UCHL3: variants seen among roughly 807,000 people sequenced by gnomAD.
UCHL3 encodes the protein ubiquitin C-terminal hydrolase L3.
A neutral mutation model predicts 35.8 loss-of-function variants in UCHL3; 22 were observed. That is an observed-to-expected ratio of 0.61 (90% CI 0.44 to 0.88). The LOEUF is 0.88. UCHL3 is among the 40% of genes least tolerant of loss of function. The pLI is 0.00. For synonymous variants in UCHL3, 90 were observed against 92.8 expected (o/e 0.97, Z 0.17); for missense variants, 229 against 276.9 (o/e 0.83, Z 1.23).
chr13:75,601,087 T>C (rs1410286629), intron 7 of UCHL3, among the ~76,000 whole-genome samples: 3 of 152,202 alleles, frequency 2.0e-5, no homozygotes, highest in African/African-American at 7.2e-5. Context: ...AAGATGTGAC[T>C]GAACTGCTGC....
intron 2 of UCHL3, 58 bp downstream of exon 2, chr13:75,550,045 T>A: frequency 6.2e-7 from 1 of 1,611,678 alleles, no homozygotes; most frequent in South Asian, 1.1e-5. Flanking sequence ...CTCGGTCCGC[T>A]TCCCTGCTGG....
At chr13:75,604,729 A>C (rs2032883048) in intron 7 of UCHL3, 40 bp from the exon 8 acceptor site, 9 of 1,550,590 alleles carry the variant, frequency 5.8e-6, no homozygotes, top group Non-Finnish European at 7.9e-6. Flanking sequence ...TTATCCTGTA[A>C]AAACAGCTAA....
intron 7 of UCHL3, among the ~76,000 whole-genome samples, chr13:75,598,513 A>G (rs2032700077): frequency 6.6e-6 from 1 of 152,208 alleles, no homozygotes; most frequent in South Asian, 2.1e-4. Flanking sequence ...AATCTGGAAC[A>G]GTACCTCAGA....
chr13:75,594,820 A>T (rs983397575), intron 6 of UCHL3, 95 bp from the exon 7 acceptor site: 1 of 886,550 alleles, frequency 1.1e-6, no homozygotes, highest in East Asian at 2.7e-5. Flanking sequence ...ATGTTCTCTT[A>T]TATAATTTGA....
At chr13:75,601,687 G>T (rs2138588918) in intron 7 of UCHL3, among the ~76,000 whole-genome samples, 1 of 152,254 alleles carries the variant, frequency 6.6e-6, no homozygotes, top group South Asian at 2.1e-4. Context: ...TCATTTTATT[G>T]TGATACTTGC....
chr13:75,603,835 G>T (rs1454541975), intron 7 of UCHL3, among the ~76,000 whole-genome samples: 1 of 152,066 alleles, frequency 6.6e-6, no homozygotes, highest in Non-Finnish European at 1.5e-5. Context: ...TAGGAATTAT[G>T]TCCCAGGCAT....
intron 6 of UCHL3, among the ~76,000 whole-genome samples, chr13:75,592,452 A>ATATATATG (rs2032528868): frequency 8.7e-6 from 1 of 114,836 alleles, no homozygotes; most frequent in African/African-American, 3.2e-5. Flanking sequence ...ATATATATAT[A>ATATATATG]TATATATATA....
chr13:75,573,362 A>G (rs1367060663), intron 6 of UCHL3, among the ~76,000 whole-genome samples: 1 of 151,666 alleles, frequency 6.6e-6, no homozygotes, highest in Non-Finnish European at 1.5e-5. Flanking sequence ...CAGCCTACTG[A>G]TTTTTTTGTC....
chr13:75,587,998 A>G (rs2032373828), intron 6 of UCHL3, among the ~76,000 whole-genome samples: 1 of 151,664 alleles, frequency 6.6e-6, no homozygotes, highest in African/African-American at 2.4e-5. Context: ...ATTGATGATC[A>G]TGCTCCTTGC....
intron 6 of UCHL3, among the ~76,000 whole-genome samples, chr13:75,576,864 C>T (rs775707618): frequency 2.6e-5 from 4 of 152,082 alleles, no homozygotes; most frequent in East Asian, 3.8e-4. Context: ...CTGATATATA[C>T]GTGCCCAGTT....
chr13:75,550,769 C>T (rs1479085321), intron 2 of UCHL3, among the ~76,000 whole-genome samples: 2 of 143,484 alleles, frequency 1.4e-5, no homozygotes, highest in East Asian at 4.2e-4. Context: ...TTTTACTGCT[C>T]TCCTAGTTTA....
intron 2 of UCHL3, among the ~76,000 whole-genome samples, chr13:75,552,710 C>T (rs1443026124): frequency 1.3e-5 from 2 of 152,130 alleles, no homozygotes; most frequent in Non-Finnish European, 1.5e-5. Flanking sequence ...CTTTATTTAC[C>T]TATGCATTTA....
intron 6 of UCHL3, among the ~76,000 whole-genome samples, chr13:75,575,860 C>A (rs1245033579): frequency 5.3e-5 from 8 of 151,516 alleles, no homozygotes; most frequent in Non-Finnish European, 2.9e-5. Flanking sequence ...CAAGCGATTC[C>A]CCTGCCTCAG....
chr13:75,593,211 A>G (rs552967293), intron 6 of UCHL3, among the ~76,000 whole-genome samples: 10 of 152,308 alleles, frequency 6.6e-5, no homozygotes, highest in African/African-American at 2.4e-4. Flanking sequence ...TCCTAGGTGA[A>G]TGAATAATTC....
intron 6 of UCHL3, among the ~76,000 whole-genome samples, chr13:75,572,140 ATTC>A (rs1399166878): frequency 6.8e-6 from 1 of 146,854 alleles, no homozygotes; most frequent in Admixed American, 6.8e-5. Flanking sequence ...TATTATTTCT[ATTC>A]TTCTTGCAGT....
chr13:75,556,571 TA>T lies in UCHL3; in HGVS notation c.55-4178del, dbSNP rs2031299434. On this transcript the variant is annotated intron_variant, in intron 2 of 8. Coordinates refer to ENST00000377595, the MANE Select transcript of UCHL3 (RefSeq NM_006002.5). ...GAATTTTATCTATTTTTTTAATTTA[TA>T]AAATCAGAGTTTTTGTTATTTGACT... Among the ~76,000 whole-genome samples, 3 of 152,242 alleles carry T rather than the reference TA, an allele frequency of 2.0e-5. No homozygotes were observed. The South Asian group carries it at 6.2e-4, about 31-fold the overall frequency.
intron 6 of UCHL3, among the ~76,000 whole-genome samples, chr13:75,587,812 C>T (rs999027570): frequency 2.0e-5 from 3 of 152,032 alleles, no homozygotes; most frequent in Non-Finnish European, 4.4e-5. Flanking sequence ...GAGTAAGCAA[C>T]CTTAAGGGAT....
At chr13:75,585,819 A>G (rs960033285) in intron 6 of UCHL3, among the ~76,000 whole-genome samples, 2 of 152,050 alleles carry the variant, frequency 1.3e-5, no homozygotes, top group Admixed American at 6.6e-5. Context: ...GTTTGAAGGT[A>G]CTCCGTAACT....
chr13:75,560,957 A>G, intron 3 of UCHL3, 76 bp downstream of exon 3: 5 of 1,354,874 alleles, frequency 3.7e-6, no homozygotes, highest in Non-Finnish European at 2.9e-6. Flanking sequence ...TTGAGGCAGT[A>G]TCTCGCTCTG....
Sources: gnomAD v4.1 joint callset for allele counts (sites outside exome capture counted in the v4.1 genomes callset) on GRCh38, gnomAD v4.1.1 for gene constraint, MANE v1.5 for transcripts, NCBI Gene and HGNC (gene_info 2026-07-23, HGNC 2026-07-21) for gene names.